The following FAM168A variants were observed in gnomAD, a reference collection of about 807,000 sequenced individuals.
The protein encoded by FAM168A is protein FAM168A.
Under a neutral mutation model 28.5 loss-of-function variants are expected in FAM168A, and 3 were observed. The ratio of observed to expected loss-of-function variants is 0.11; its 90% CI spans 0.05 to 0.27. The LOEUF (loss-of-function observed/expected upper bound fraction) is 0.27, where lower values mean the gene tolerates loss of function less well. FAM168A is among the 10% of genes least tolerant of loss of function. FAM168A has a pLI of 1.00. For missense variants in FAM168A, 222 were observed against 311.5 expected (o/e 0.71, Z 2.16); for synonymous variants, 122 against 124.2 (o/e 0.98, Z 0.12).
chr11:73,572,179 G>A (rs182269096), intron 1 of FAM168A, among the ~76,000 whole-genome samples: 5,083 of 144,948 alleles, frequency 0.035, 250 homozygotes, highest in African/African-American at 0.12. Context: ...GCCCCTGCCC[G>A]GCCAGCCGCC....
At chr11:73,546,058 T>C (rs1188657097) in intron 1 of FAM168A, among the ~76,000 whole-genome samples, 2 of 152,202 alleles carry the variant, frequency 1.3e-5, no homozygotes, top group African/African-American at 2.4e-5. Context: ...TTCTTACTAC[T>C]GAGCATACTT....
At chr11:73,537,860 T>C (rs1230631185) in intron 1 of FAM168A, among the ~76,000 whole-genome samples, 1 of 152,232 alleles carries the variant, frequency 6.6e-6, no homozygotes, top group African/African-American at 2.4e-5. Context: ...AGCCACTTTT[T>C]AGAACTATAT....
Position 73,468,483 on chromosome 11 carries a change from A to G in FAM168A, c.-9T>C. ...CTGTAAACAGGGTTCATTGTGGAAGACTGAGGATCCTACAGAGAAAACAAA... is the reference window on the plus strand; with the variant it reads ...CTGTAAACAGGGTTCATTGTGGAAGGCTGAGGATCCTACAGAGAAAACAAA... On this transcript the variant is annotated 5_prime_UTR_variant, in exon 2 of 8. Coordinates refer to ENST00000356467, the MANE Select transcript of FAM168A (RefSeq NM_015159.3). 1 of 1,613,752 alleles carries G rather than the reference A, an allele frequency of 6.2e-7. No individual in the cohort carries two copies. Among genetic ancestry groups the G allele is most frequent in the Non-Finnish European group, 8.5e-7 (1 of 1,179,704 alleles).
intron 3 of FAM168A, among the ~76,000 whole-genome samples, chr11:73,427,624 T>A (rs1017108538): frequency 6.6e-6 from 1 of 152,188 alleles, no homozygotes; most frequent in African/African-American, 2.4e-5. Flanking sequence ...GAAATGGGGA[T>A]AATAAGAGTA....
chr11:73,541,471 C>T (rs1339905145), intron 1 of FAM168A, among the ~76,000 whole-genome samples: 2 of 151,402 alleles, frequency 1.3e-5, no homozygotes, highest in Non-Finnish European at 2.9e-5. Context: ...CTCCCGGGTT[C>T]ACACCATTCT....
intron 4 of FAM168A, among the ~76,000 whole-genome samples, chr11:73,418,190 T>G (rs1327115590): frequency 6.6e-6 from 1 of 152,218 alleles, no homozygotes; most frequent in African/African-American, 2.4e-5. Context: ...TTTAGATGTT[T>G]GTTTCCTCCA....
chr11:73,464,502 G>A (rs1007563049), intron 2 of FAM168A, among the ~76,000 whole-genome samples: 1 of 152,206 alleles, frequency 6.6e-6, no homozygotes, highest in African/African-American at 2.4e-5. Flanking sequence ...GGTCAACACA[G>A]GAGGAGTCAG....
At chr11:73,571,949 G>A (rs1399462613) in intron 1 of FAM168A, among the ~76,000 whole-genome samples, 5 of 145,984 alleles carry the variant, frequency 3.4e-5, no homozygotes, top group Admixed American at 6.8e-5. Flanking sequence ...CCACGACCCC[G>A]TCTGGGAGGT....
chr11:73,549,893 TAAG>T (rs767808077), intron 1 of FAM168A, among the ~76,000 whole-genome samples: 1 of 152,246 alleles, frequency 6.6e-6, no homozygotes, highest in Non-Finnish European at 1.5e-5. Flanking sequence ...GAGACTTGAC[TAAG>T]AAGAGGGCTT....
chr11:73,579,669 A>G (rs1944221591), intron 1 of FAM168A, among the ~76,000 whole-genome samples: 1 of 152,230 alleles, frequency 6.6e-6, no homozygotes, highest in East Asian at 1.9e-4. Context: ...TTAACTGATA[A>G]AAGCTAGTGG....
chr11:73,402,575 T>C lies in FAM168A; in HGVS notation c.*4188A>G, dbSNP rs1866431678. On this transcript the variant is annotated 3_prime_UTR_variant, in exon 8 of 8. Transcript: ENST00000356467. ...AGAGTCTGGTTCTGGTCCTCACCCATGGGAAAAGCAAGCCCAGGGACTTCA... is the reference window on the plus strand; with the variant it reads ...AGAGTCTGGTTCTGGTCCTCACCCACGGGAAAAGCAAGCCCAGGGACTTCA... The C allele has an allele frequency of 6.6e-6, 1 of 152,128 alleles. No individual in the cohort carries two copies. The highest frequency in any genetic ancestry group is 1.5e-5 in the Non-Finnish European group (1 of 68,020). The allele number at this position is 152,128 out of a possible 1,614,324, so 9.4% of individuals were successfully genotyped here.
chr11:73,430,458 G>A (rs1317797188), intron 3 of FAM168A: 4 of 483,612 alleles, frequency 8.3e-6, no homozygotes, highest in South Asian at 6.1e-5. Flanking sequence ...TTCCAGCATA[G>A]GACAGATGAG....
intron 1 of FAM168A, among the ~76,000 whole-genome samples, chr11:73,539,933 C>T (rs1565289321): frequency 1.3e-5 from 2 of 152,174 alleles, no homozygotes; most frequent in Admixed American, 1.3e-4. Flanking sequence ...AGGGAAGCAC[C>T]AGAGTAGAGC....
At chr11:73,575,924 G>A (rs983386297) in intron 1 of FAM168A, among the ~76,000 whole-genome samples, 1 of 152,092 alleles carries the variant, frequency 6.6e-6, no homozygotes, top group African/African-American at 2.4e-5. Flanking sequence ...TGTCTAGCAT[G>A]TGTAGCTATT....
At position 73,531,552 on chromosome 11, in the gene FAM168A, T is replaced by C. The variant is rs907504702; in HGVS notation, c.-18-63060A>G. Among the ~76,000 whole-genome samples the C allele has an allele frequency of 9.9e-5, 15 of 152,210 alleles. No individual in the cohort carries two copies. In the East Asian group the frequency reaches 2.9e-3, roughly 29 times the overall value. On this transcript the variant is annotated intron_variant, in intron 1 of 7. Coordinates refer to ENST00000356467, the MANE Select transcript of FAM168A (RefSeq NM_015159.3). ...GAGCACTTGCACATGAGTAAGAATA[T>C]ACCTATAATGAGCAGACACTGGTAC...
Position 73,401,207 on chromosome 11 carries a change from A to G in FAM168A, c.*5556T>C, listed in dbSNP as rs1174859566. ...AAAATGAATTAAAAAATACAAAATC[A>G]TATACAACGCTCTCTTCACAGGGAT... On this transcript the variant is annotated 3_prime_UTR_variant, in exon 8 of 8. Coordinates refer to ENST00000356467, the MANE Select transcript of FAM168A (RefSeq NM_015159.3). 6.6e-6 allele frequency: 1 copy of G among 152,178 alleles called. No homozygotes were observed. Among genetic ancestry groups the G allele is most frequent in the Admixed American group, 6.5e-5 (1 of 15,282 alleles). The allele number at this position is 152,178 out of a possible 1,614,324, so 9.4% of individuals were successfully genotyped here.
Position 73,498,559 on chromosome 11 carries a change from G to T in FAM168A, c.-18-30067C>A, listed in dbSNP as rs547344954. Among the ~76,000 whole-genome samples, 365 of 152,256 alleles carry T rather than the reference G, an allele frequency of 2.4e-3. 2 individuals are homozygous for T. Among genetic ancestry groups the T allele is most frequent in the African/African-American group, 8.3e-3 (345 of 41,554 alleles). On this transcript the variant is annotated intron_variant, in intron 1 of 7. Transcript: ENST00000356467. ...GTGGCCCACTGTCTAAGCCGTTTGA[G>T]CTCCTTGGGGAGGGGCAGCAACCAG...
chr11:73,506,184 C>T (rs1193093130), intron 1 of FAM168A, among the ~76,000 whole-genome samples: 2 of 152,062 alleles, frequency 1.3e-5, no homozygotes, highest in Non-Finnish European at 2.9e-5. Flanking sequence ...GTAAATTATA[C>T]ATCAGAAACA....
intron 3 of FAM168A, chr11:73,430,302 G>C (rs1033282353): frequency 1.2e-5 from 3 of 248,238 alleles, no homozygotes; most frequent in Non-Finnish European, 1.6e-5. Flanking sequence ...GTGTGTGTGT[G>C]TCCCAAGGGG....
Sources: allele counts gnomAD v4.1 joint callset (sites outside exome capture counted in the v4.1 genomes callset), GRCh38; gene constraint gnomAD v4.1.1; transcripts MANE v1.5; gene names NCBI Gene and HGNC (gene_info 2026-07-23, HGNC 2026-07-21).